SMIM36: variants seen among roughly 807,000 people sequenced by gnomAD.
The protein encoded by SMIM36 is small integral membrane protein 36.
At chr17:55,455,018 T>G (rs1339309167) in intron 4 of SMIM36, among the ~76,000 whole-genome samples, 1 of 152,218 alleles carries the variant, frequency 6.6e-6, no homozygotes, top group Non-Finnish European at 1.5e-5. Context: ...GCACATTCAT[T>G]ATTGTTTACT....
the SMIM36 span, among the ~76,000 whole-genome samples, chr17:55,531,367 A>C: frequency 6.6e-6 from 1 of 152,150 alleles, no homozygotes; most frequent in Non-Finnish European, 1.5e-5. Flanking sequence ...GTATCTTCCC[A>C]TGCCAGAGGC....
intron 3 of SMIM36, among the ~76,000 whole-genome samples, chr17:55,476,613 G>C (rs1374108990): frequency 6.6e-6 from 1 of 151,700 alleles, no homozygotes; most frequent in African/African-American, 2.4e-5. Flanking sequence ...CTGTCACCCA[G>C]GTGGAGTGCA....
chr17:55,519,144 G>A, the SMIM36 span, among the ~76,000 whole-genome samples: 1 of 152,176 alleles, frequency 6.6e-6, no homozygotes, highest in South Asian at 2.1e-4. Flanking sequence ...AGTAGGGTAG[G>A]AGTGCTGGGC....
chr17:55,525,774 C>T, the SMIM36 span, among the ~76,000 whole-genome samples: 2 of 152,164 alleles, frequency 1.3e-5, no homozygotes, highest in East Asian at 3.9e-4. Flanking sequence ...TCTCCAGCCT[C>T]AGCCTCCTGA....
intron 1 of SMIM36, among the ~76,000 whole-genome samples, chr17:55,509,754 G>T (rs994060846): frequency 2.6e-5 from 4 of 152,090 alleles, no homozygotes; most frequent in African/African-American, 9.7e-5. Flanking sequence ...GGAAGGGAGG[G>T]TTAATAAAAA....
the SMIM36 span, among the ~76,000 whole-genome samples, chr17:55,522,362 G>A: frequency 6.6e-6 from 1 of 152,166 alleles, no homozygotes; most frequent in Non-Finnish European, 1.5e-5. Flanking sequence ...GTATTAGTGT[G>A]TTCTCACATC....
the SMIM36 span, chr17:55,528,078 C>T: frequency 1.3e-5 from 2 of 152,144 alleles, no homozygotes; most frequent in Admixed American, 6.5e-5. Context: ...CTTTATATTC[C>T]AGAACTTTTC....
chr17:55,466,401 T>C (rs575575780), intron 4 of SMIM36, among the ~76,000 whole-genome samples: 26 of 151,004 alleles, frequency 1.7e-4, no homozygotes, highest in Admixed American at 8.6e-4. Flanking sequence ...AGGGCCAGCG[T>C]ATGGAGAAAT....
At chr17:55,528,346 A>T in the SMIM36 span, among the ~76,000 whole-genome samples, 6 of 151,780 alleles carry the variant, frequency 4.0e-5, no homozygotes, top group Admixed American at 1.3e-4. Context: ...CTTTTTTTTC[A>T]ATTTCATATA....
At chr17:55,475,213 A>C (rs1189154705) in intron 3 of SMIM36, among the ~76,000 whole-genome samples, 1 of 152,136 alleles carries the variant, frequency 6.6e-6, no homozygotes. Flanking sequence ...CCCTGTTTAC[A>C]CTGCCGGTTT....
chr17:55,501,357 AATATATAATATATT>A (rs1475121650), intron 1 of SMIM36, among the ~76,000 whole-genome samples: 1 of 81,692 alleles, frequency 1.2e-5, no homozygotes, highest in Non-Finnish European at 2.1e-5. Flanking sequence ...TATATTTTAT[AATATATAATATATT>A]ATATATTATA....
intron 4 of SMIM36, among the ~76,000 whole-genome samples, chr17:55,466,732 A>G (rs574949633): frequency 3.9e-5 from 6 of 152,234 alleles, no homozygotes; most frequent in African/African-American, 1.4e-4. Context: ...TCTCAGCTGT[A>G]TAGGAAGCAC....
At chr17:55,482,166 C>G (rs1460390936) in intron 1 of SMIM36, among the ~76,000 whole-genome samples, 1 of 152,158 alleles carries the variant, frequency 6.6e-6, no homozygotes, top group Non-Finnish European at 1.5e-5. Context: ...TCCTAAGACC[C>G]TTTCTAAAAT....
At chr17:55,485,158 G>T (rs893521039) in intron 1 of SMIM36, among the ~76,000 whole-genome samples, 2 of 152,080 alleles carry the variant, frequency 1.3e-5, no homozygotes, top group Non-Finnish European at 2.9e-5. Context: ...GATAGATTAG[G>T]CTAATATGGC....
intron 4 of SMIM36, among the ~76,000 whole-genome samples, 184 bp from the exon 5 acceptor site, chr17:55,450,482 C>T (rs1908892172): frequency 6.6e-6 from 1 of 152,178 alleles, no homozygotes; most frequent in South Asian, 2.1e-4. Context: ...CTGCTGCCAT[C>T]AGAAGCATAG....
chr17:55,452,298 A>C (rs1677603325), intron 4 of SMIM36, among the ~76,000 whole-genome samples: 1 of 152,106 alleles, frequency 6.6e-6, no homozygotes. Context: ...AGCTGAATCC[A>C]GTTAAATCAC....
the SMIM36 span, among the ~76,000 whole-genome samples, chr17:55,526,041 GC>G: frequency 6.6e-6 from 1 of 152,154 alleles, no homozygotes; most frequent in Admixed American, 6.5e-5. Flanking sequence ...GGCCAACAAG[GC>G]CATTCTAATT....
At position 55,501,428 on chromosome 17, in the gene SMIM36, T is replaced by TTATA. The variant is rs1555622578; in HGVS notation, c.*174+9450_*174+9451insTATA. On this transcript the variant is annotated intron_variant, in intron 1 of 4. Transcript: ENST00000636752. The stretch of plus-strand genomic sequence containing the variant: ...ATTATATATTATAAAATATAATATA[T>TTATA]TATTATATATTATAAAATATAATAT... Among the ~76,000 whole-genome samples the TTATA allele has an allele frequency of 1.9e-3, 68 of 35,368 alleles. 1 individual carries two copies. Among genetic ancestry groups the TTATA allele is most frequent in the African/African-American group, 7.5e-3 (34 of 4,546 alleles). 23.2% of individuals were successfully genotyped at this position (35,368 alleles called of 152,430 possible). A position where few individuals can be genotyped will look rare whatever the true frequency, so the allele number is the denominator to read the frequency against.
chr17:55,519,038 G>A, the SMIM36 span, among the ~76,000 whole-genome samples: 1 of 151,124 alleles, frequency 6.6e-6, no homozygotes, highest in Non-Finnish European at 1.5e-5. Context: ...AAGATCATTA[G>A]CAGAATTTGA....
Sources: gnomAD v4.1 joint callset for allele counts (sites outside exome capture counted in the v4.1 genomes callset) on GRCh38, gnomAD v4.1.1 for gene constraint, MANE v1.5 for transcripts, NCBI Gene and HGNC (gene_info 2026-07-23, HGNC 2026-07-21) for gene names.